Variants in ACTN1 observed in about 807,000 individuals in gnomAD.
The protein encoded by ACTN1 is actinin alpha 1, also known as alpha-actinin-1.
Under a neutral mutation model 119.6 loss-of-function variants are expected in ACTN1, and 30 were observed. The observed-to-expected ratio is 0.25, with a 90% CI of 0.19 to 0.34. The LOEUF is 0.34. ACTN1 is among the 10% of genes least tolerant of loss of function. ACTN1 has a pLI of 1.00. For missense variants in ACTN1, 764 were observed against 1,223.4 expected (o/e 0.62, Z 5.60); for synonymous variants, 429 against 472.6 (o/e 0.91, Z 1.20).
chr14:68,904,077 G>C (rs2033515438), intron 7 of ACTN1, among the ~76,000 whole-genome samples: 1 of 152,210 alleles, frequency 6.6e-6, no homozygotes, highest in Middle Eastern at 3.4e-3. Flanking sequence ...ACTGCCTCTG[G>C]CTGGGATCTT....
At chr14:68,906,221 G>C (rs1170040132) in intron 6 of ACTN1, among the ~76,000 whole-genome samples, 6 of 152,182 alleles carry the variant, frequency 3.9e-5, no homozygotes, top group African/African-American at 1.4e-4. Flanking sequence ...TTTAAAAATG[G>C]TTAAAGTGGT....
At chr14:68,949,478 C>A (rs1043929332) in intron 1 of ACTN1, among the ~76,000 whole-genome samples, 1 of 152,206 alleles carries the variant, frequency 6.6e-6, no homozygotes, top group Non-Finnish European at 1.5e-5. Context: ...GCAGGCCTGG[C>A]GCTGGCAGGG....
At chr14:68,968,342 C>T (rs1418695123) in intron 1 of ACTN1, among the ~76,000 whole-genome samples, 2 of 152,216 alleles carry the variant, frequency 1.3e-5, no homozygotes, top group African/African-American at 2.4e-5. Context: ...TGGGCAAGTG[C>T]TTTGGAACTC....
chr14:68,964,552 T>C (rs998572314), intron 1 of ACTN1, among the ~76,000 whole-genome samples: 2 of 152,146 alleles, frequency 1.3e-5, no homozygotes, highest in African/African-American at 4.8e-5. Context: ...AGGAAGCAAC[T>C]AGGACAGGGG....
rs572525451 is a variant in ACTN1 at position 68,927,237 on chromosome 14, T to C, written c.106-1565A>G. ...CATCTTTCAAGACTGGGTAGAGATA[T>C]CACCTCCTCCAGGAAGCCTTCCTGA... On this transcript the variant is annotated intron_variant, in intron 1 of 21. Transcript: ENST00000394419. Among the ~76,000 whole-genome samples, 3 of 152,282 alleles carry C rather than the reference T, an allele frequency of 2.0e-5. No homozygotes were observed. The South Asian group carries it at 6.2e-4, about 32-fold the overall frequency.
chr14:68,880,156 C>T lies in ACTN1; in HGVS notation c.2134-48G>A, dbSNP rs374896157. 6.3e-7 allele frequency: 1 copy of T among 1,594,718 alleles called. No homozygotes were observed. Among genetic ancestry groups the T allele is most frequent in the Non-Finnish European group, 8.6e-7 (1 of 1,169,364 alleles). On this transcript the variant is annotated intron_variant, in intron 17 of 21. Transcript: ENST00000394419. The surrounding 1 kb of genome is among the most constrained non-coding windows in gnomAD (Gnocchi z 4.6). Reference sequence around the variant, plus strand: ...TCAGCAAAGGGGTCCCAGGCCTGGGCTCCTGGCGGCCCCTGCCCATCCTAC... The same window carrying T: ...TCAGCAAAGGGGTCCCAGGCCTGGGTTCCTGGCGGCCCCTGCCCATCCTAC...
chr14:68,956,152 G>A (rs376293806), intron 1 of ACTN1, among the ~76,000 whole-genome samples: 158 of 152,094 alleles, frequency 1.0e-3, no homozygotes, highest in Non-Finnish European at 2.0e-3. Context: ...GTTACAGAAC[G>A]ATGAAGACCC....
chr14:68,935,478 C>G (rs2035454463), intron 1 of ACTN1, among the ~76,000 whole-genome samples: 1 of 145,274 alleles, frequency 6.9e-6, no homozygotes, highest in African/African-American at 2.6e-5. Flanking sequence ...CTCCACCTCT[C>G]AGGTTCAAGC....
chr14:68,888,124 C>T (rs1045758607), intron 11 of ACTN1: 22 of 598,410 alleles, frequency 3.7e-5, no homozygotes, highest in Middle Eastern at 3.1e-4. Context: ...GTCTGCGGGC[C>T]GCGGCATGCT....
intron 1 of ACTN1, among the ~76,000 whole-genome samples, chr14:68,971,290 T>G (rs186341447): frequency 6.6e-6 from 1 of 152,350 alleles, no homozygotes; most frequent in South Asian, 2.1e-4. Context: ...TGTGAACTAT[T>G]CGTCTTTGTA....
chr14:68,979,126 G>A lies in ACTN1; in HGVS notation c.-70C>T. 1 of 1,166,498 alleles carries A rather than the reference G, an allele frequency of 8.6e-7. No individual in the cohort carries two copies. The highest frequency in any genetic ancestry group is 1.3e-6 in the Non-Finnish European group (1 of 798,512). The allele number at this position is 1,166,498 out of a possible 1,614,324, so 72.3% of individuals were successfully genotyped here. A position where few individuals can be genotyped will look rare whatever the true frequency, so the allele number is the denominator to read the frequency against. ...TCTCTGAGCAACGGCTGCTGCCCTG[G>A]CGTGGGGAGGGAGTAGGGCTGGGCT... is the stretch of plus-strand genomic sequence containing the variant. On this transcript the variant is annotated 5_prime_UTR_variant, in exon 1 of 22. Transcript: ENST00000394419.
At chr14:68,938,168 C>A (rs534752393) in intron 1 of ACTN1, among the ~76,000 whole-genome samples, 54 of 152,214 alleles carry the variant, frequency 3.5e-4, no homozygotes, top group Non-Finnish European at 6.3e-4. Flanking sequence ...CTGGTTCATG[C>A]GCTGATGAAA....
chr14:68,885,698 T>C lies in ACTN1; in HGVS notation c.1235-123A>G. 4 of 1,178,154 alleles carry C rather than the reference T, an allele frequency of 3.4e-6. No individual in the cohort carries two copies. In the South Asian group the frequency reaches 5.9e-5, roughly 17 times the overall value. 73.0% of individuals were successfully genotyped at this position (1,178,154 alleles called of 1,614,324 possible). On this transcript the variant is annotated intron_variant, in intron 11 of 21. Coordinates refer to ENST00000394419, the MANE Select transcript of ACTN1 (RefSeq NM_001130004.2). The surrounding 1 kb of genome is among the most constrained non-coding windows in gnomAD (Gnocchi z 5.6). The stretch of plus-strand genomic sequence containing the variant: ...GGGTGCTTCTCAAGGAGGTGCCCAT[T>C]GTGCAGGGATCTGCAGGGTGCAAAA...
At chr14:68,899,436 CCA>C (rs1216770647) in intron 8 of ACTN1, among the ~76,000 whole-genome samples, 4 of 147,600 alleles carry the variant, frequency 2.7e-5, no homozygotes, top group South Asian at 2.1e-4. Flanking sequence ...CCCACACCCC[CCA>C]GACACACACC....
intron 8 of ACTN1, among the ~76,000 whole-genome samples, chr14:68,894,158 C>G (rs534964950): frequency 2.2e-4 from 34 of 152,304 alleles, no homozygotes; most frequent in African/African-American, 7.9e-4. Flanking sequence ...GCTGGATTTT[C>G]CAGGGTCTTG....
chr14:68,926,017 G>T (rs965791263), intron 1 of ACTN1, among the ~76,000 whole-genome samples: 11 of 152,198 alleles, frequency 7.2e-5, no homozygotes, highest in African/African-American at 2.7e-4. Flanking sequence ...TACCTCTTAA[G>T]TTATAAGACT....
intron 1 of ACTN1, among the ~76,000 whole-genome samples, chr14:68,968,716 T>C (rs187657662): frequency 2.7e-4 from 41 of 152,380 alleles, no homozygotes; most frequent in Admixed American, 2.6e-3. Context: ...ATACTTGCTG[T>C]AACCACCTGA....
chr14:68,962,123 G>A (rs959043597), intron 1 of ACTN1, among the ~76,000 whole-genome samples: 6 of 152,166 alleles, frequency 3.9e-5, no homozygotes, highest in African/African-American at 4.8e-5. Flanking sequence ...CAGCTTCCCC[G>A]AGTCAGGATC....
intron 3 of ACTN1, among the ~76,000 whole-genome samples, chr14:68,915,376 G>A (rs754413625): frequency 1.4e-4 from 21 of 151,734 alleles, no homozygotes; most frequent in Non-Finnish European, 2.9e-4. Context: ...TCACTCACAC[G>A]TCCCCTTCTC....
Sources: gnomAD v4.1 joint callset for allele counts (sites outside exome capture counted in the v4.1 genomes callset) on GRCh38, gnomAD v4.1.1 for gene constraint, Gnocchi (gnomAD v3.1) non-coding constraint, MANE v1.5 for transcripts, NCBI Gene and HGNC (gene_info 2026-07-23, HGNC 2026-07-21) for gene names.